The following DCC variants were observed in gnomAD, a reference collection of about 807,000 sequenced individuals.
DCC encodes DCC netrin 1 receptor, also known as netrin receptor DCC.
Under a neutral mutation model 172.5 loss-of-function variants are expected in DCC, and 58 were observed. That is an observed-to-expected ratio of 0.34 (90% confidence interval 0.27 to 0.42). DCC has a LOEUF of 0.42. Among genes scored for constraint, DCC ranks in the 10% least tolerant of loss-of-function variants. DCC has a pLI of 1.00. For missense variants in DCC, 1,740 were observed against 1,791.0 expected (o/e 0.97, Z 0.51); for synonymous variants, 709 against 644.5 (o/e 1.10, Z -1.52).
chr18:52,372,825 G>C (rs140943212), intron 1 of DCC, among the ~76,000 whole-genome samples: 3 of 152,318 alleles, frequency 2.0e-5, no homozygotes, highest in East Asian at 3.9e-4. Context: ...ATACCTCGGG[G>C]CAGCTTTGGG....
chr18:52,970,579 A>G (rs2041013916), intron 5 of DCC, among the ~76,000 whole-genome samples: 1 of 152,210 alleles, frequency 6.6e-6, no homozygotes, highest in Non-Finnish European at 1.5e-5. Flanking sequence ...TGTGTCTTTT[A>G]AAGTTTAAAG....
chr18:53,287,527 C>G (rs1478786180), intron 12 of DCC, among the ~76,000 whole-genome samples: 2 of 152,120 alleles, frequency 1.3e-5, no homozygotes, highest in Non-Finnish European at 2.9e-5. Flanking sequence ...CTGGGTCATA[C>G]TTAATTCTAT....
intron 1 of DCC, among the ~76,000 whole-genome samples, chr18:52,369,459 G>A (rs1467151097): frequency 6.8e-6 from 1 of 147,946 alleles, no homozygotes; most frequent in Non-Finnish European, 1.5e-5. Context: ...TTTGTGTTGA[G>A]TGTGCATGGG....
At chr18:52,436,372 G>A (rs1329001686) in intron 1 of DCC, among the ~76,000 whole-genome samples, 2 of 152,186 alleles carry the variant, frequency 1.3e-5, no homozygotes, top group African/African-American at 4.8e-5. Context: ...ACTCCTGGAT[G>A]CTAGGGAACA....
chr18:52,866,550 C>T (rs1251886641), intron 2 of DCC, among the ~76,000 whole-genome samples: 2 of 152,026 alleles, frequency 1.3e-5, no homozygotes, highest in African/African-American at 4.8e-5. Flanking sequence ...TTTGTGTCCT[C>T]TCTTATTTCC....
At chr18:52,562,387 A>G (rs373678412) in intron 1 of DCC, among the ~76,000 whole-genome samples, 2 of 152,182 alleles carry the variant, frequency 1.3e-5, no homozygotes, top group Non-Finnish European at 2.9e-5. Flanking sequence ...GACAATCAAC[A>G]TTCATGGGTC....
At chr18:52,883,990 A>T (rs953693567) in intron 2 of DCC, among the ~76,000 whole-genome samples, 1 of 151,596 alleles carries the variant, frequency 6.6e-6, no homozygotes, top group African/African-American at 2.4e-5. Context: ...CTAGGGTAAA[A>T]GTTATTTTCC....
chr18:53,410,263 T>G (rs1158834258), intron 19 of DCC, among the ~76,000 whole-genome samples, 189 bp from the exon 20 acceptor site: 1 of 152,178 alleles, frequency 6.6e-6, no homozygotes, highest in East Asian at 1.9e-4. Context: ...TCTGATTCTG[T>G]ACATTGCAGC....
At chr18:52,471,180 G>T (rs557668042) in intron 1 of DCC, among the ~76,000 whole-genome samples, 1 of 152,018 alleles carries the variant, frequency 6.6e-6, no homozygotes, top group Admixed American at 6.6e-5. Flanking sequence ...CCAAGACCCC[G>T]TCTCTACAAA....
chr18:52,900,105 A>G (rs897815781), intron 2 of DCC, among the ~76,000 whole-genome samples: 2 of 152,188 alleles, frequency 1.3e-5, no homozygotes, highest in Admixed American at 6.5e-5. Flanking sequence ...AACTGGTTCT[A>G]TCCGGACTTG....
intron 5 of DCC, among the ~76,000 whole-genome samples, chr18:52,985,680 C>G (rs1480348369): frequency 6.6e-6 from 1 of 150,968 alleles, no homozygotes; most frequent in Non-Finnish European, 1.5e-5. Flanking sequence ...TTTTTTTTCC[C>G]TTAAAACCAT....
chr18:53,308,046 C>T (rs7506400), intron 13 of DCC, among the ~76,000 whole-genome samples: 21,200 of 149,242 alleles, frequency 0.14, 2,176 homozygotes, highest in African/African-American at 0.28. Flanking sequence ...CCAAATTCTA[C>T]GAGTTTATCC....
chr18:52,888,924 C>CAT (rs1157898026), intron 2 of DCC, among the ~76,000 whole-genome samples: 6 of 151,968 alleles, frequency 3.9e-5, no homozygotes, highest in South Asian at 4.1e-4. Flanking sequence ...TATACACACA[C>CAT]ATATATATAC....
chr18:53,276,063 A>T (rs1459747029), intron 12 of DCC, among the ~76,000 whole-genome samples: 1 of 152,174 alleles, frequency 6.6e-6, no homozygotes, highest in Non-Finnish European at 1.5e-5. Context: ...CCTGGCATTT[A>T]TTGGCACTTT....
chr18:53,393,429 C>G (rs542533299), intron 17 of DCC, among the ~76,000 whole-genome samples: 203 of 152,258 alleles, frequency 1.3e-3, no homozygotes, highest in Admixed American at 2.9e-3. Flanking sequence ...GGTAAGTACC[C>G]TATCCATCTC....
chr18:53,316,339 C>T (rs1189695696), intron 13 of DCC, among the ~76,000 whole-genome samples: 3 of 152,240 alleles, frequency 2.0e-5, no homozygotes, highest in East Asian at 3.9e-4. Context: ...CAGTACCATG[C>T]TGTTTTGTTT....
At chr18:53,517,119 T>TA (rs1363114074) in intron 27 of DCC, among the ~76,000 whole-genome samples, 1 of 140,598 alleles carries the variant, frequency 7.1e-6, no homozygotes, top group Admixed American at 7.2e-5. Flanking sequence ...TATGCAGCCA[T>TA]AAAAAATGAT....
chr18:53,029,201 T>G lies in DCC; in HGVS notation c.986-34104T>G, dbSNP rs573811552. Reference sequence around the variant, plus strand: ...TACCCAAATGTGGATTTTTAGCCAGTTATAACTCATTAGAAAATATTAGTA... The same window carrying G: ...TACCCAAATGTGGATTTTTAGCCAGGTATAACTCATTAGAAAATATTAGTA... On this transcript the variant is annotated intron_variant, in intron 5 of 28. Transcript: ENST00000442544. Among the ~76,000 whole-genome samples, 3 of 152,260 alleles carry G rather than the reference T, an allele frequency of 2.0e-5. No individual in the cohort carries two copies. The East Asian group carries it at 5.8e-4, about 29-fold the overall frequency.
chr18:52,725,813 G>C (rs114078466), intron 1 of DCC, among the ~76,000 whole-genome samples: 3,222 of 152,270 alleles, frequency 0.021, 99 homozygotes, highest in African/African-American at 0.073. Flanking sequence ...ATACATATCA[G>C]TATAGATCAG....
Sources: allele counts gnomAD v4.1 joint callset (sites outside exome capture counted in the v4.1 genomes callset), GRCh38; gene constraint gnomAD v4.1.1; transcripts MANE v1.5; gene names NCBI Gene and HGNC (gene_info 2026-07-23, HGNC 2026-07-21).